LRBA: variants seen among roughly 807,000 people sequenced by gnomAD.
LRBA encodes lipopolysaccharide-responsive and beige-like anchor protein.
In LRBA, 176 loss-of-function variants were observed where a neutral mutation model predicts 330.0. The observed-to-expected ratio is 0.53, with a 90% confidence interval of 0.47 to 0.60. The LOEUF is 0.60. Among genes scored for constraint, LRBA ranks in the 20% least tolerant of loss-of-function variants. LRBA has a pLI of 0.00. For missense variants in LRBA, 3,259 were observed against 3,444.8 expected, an observed-to-expected ratio of 0.95 and a Z score of 1.35; for synonymous variants, 1,230 against 1,193.0, an observed-to-expected ratio of 1.03 and a Z score of -0.64.
At chr4:150,700,270 G>T (rs1343908348) in intron 36 of LRBA, among the ~76,000 whole-genome samples, 1 of 151,942 alleles carries the variant, frequency 6.6e-6, no homozygotes, top group Non-Finnish European at 1.5e-5. Flanking sequence ...TAATGACGAG[G>T]GCATACATCA....
Position 150,871,439 on chromosome 4 carries a change from A to G in LRBA, c.2273T>C (p.Val758Ala), listed in dbSNP as rs1299892858. 1.7e-5 allele frequency: 28 copies of G among 1,607,586 alleles called. No homozygotes were observed. In the East Asian group the frequency reaches 6.0e-4, roughly 35 times the overall value. Residue 758 changes from valine to alanine, a missense_variant, in exon 19 of 57, where the codon GTC (valine) becomes GCC (alanine). Coordinates refer to ENST00000651943, the MANE Select transcript of LRBA (RefSeq NM_001364905.1). ...TGAAAACAATCCATGTCCAAGCATG[A>G]CTTCTGCTTTCCTCCTGCAATTACA... ...KHLAPKRKAE[V>A]MLGHGLFSLL...
At chr4:150,874,100 T>G (rs930150344) in intron 17 of LRBA, among the ~76,000 whole-genome samples, 1 of 152,064 alleles carries the variant, frequency 6.6e-6, no homozygotes, top group Non-Finnish European at 1.5e-5. Context: ...ATCACAATAG[T>G]TTTTTGAGTT....
At chr4:150,538,931 C>T (rs1242210679) in intron 40 of LRBA, among the ~76,000 whole-genome samples, 1 of 151,998 alleles carries the variant, frequency 6.6e-6, no homozygotes, top group Non-Finnish European at 1.5e-5. Context: ...AACAAACCTG[C>T]ACATGTAGCC....
At chr4:150,591,497 C>G (rs768656490) in intron 38 of LRBA, among the ~76,000 whole-genome samples, 2 of 152,186 alleles carry the variant, frequency 1.3e-5, no homozygotes, top group African/African-American at 2.4e-5. Flanking sequence ...TACACTCACT[C>G]CTCCGCCCTT....
At chr4:150,784,815 AC>A (rs1738800349) in intron 34 of LRBA, among the ~76,000 whole-genome samples, 1 of 152,016 alleles carries the variant, frequency 6.6e-6, no homozygotes, top group African/African-American at 2.4e-5. Flanking sequence ...AGGATCAAGA[AC>A]CCTGGTGTTC....
chr4:150,843,841 T>A (rs1749455337), intron 28 of LRBA, among the ~76,000 whole-genome samples: 1 of 152,240 alleles, frequency 6.6e-6, no homozygotes, highest in Non-Finnish European at 1.5e-5. Flanking sequence ...TTAATACATG[T>A]ATATCACTTA....
intron 50 of LRBA, among the ~76,000 whole-genome samples, chr4:150,318,048 A>G (rs2126910531): frequency 6.6e-6 from 1 of 152,294 alleles, no homozygotes; most frequent in South Asian, 2.1e-4. Flanking sequence ...GCCAGTGAGG[A>G]CACTGAGCCC....
chr4:150,520,325 C>T (rs1465061204), intron 40 of LRBA, among the ~76,000 whole-genome samples: 1 of 152,078 alleles, frequency 6.6e-6, no homozygotes, highest in Admixed American at 6.6e-5. Flanking sequence ...GGAGAAATGA[C>T]ATCTTTATAA....
At chr4:150,956,599 T>C (rs1737572785) in intron 2 of LRBA, among the ~76,000 whole-genome samples, 2 of 148,636 alleles carry the variant, frequency 1.3e-5, no homozygotes, top group Non-Finnish European at 2.9e-5. Context: ...GACCAATATA[T>C]CTTATGAATA....
intron 17 of LRBA, among the ~76,000 whole-genome samples, chr4:150,876,924 T>C (rs900707359): frequency 4.6e-5 from 7 of 151,624 alleles, no homozygotes; most frequent in Non-Finnish European, 1.0e-4. Flanking sequence ...GCATATTGGA[T>C]AAAAAAAACA....
At chr4:150,885,635 A>T (rs571784421) in intron 17 of LRBA, among the ~76,000 whole-genome samples, 6 of 152,270 alleles carry the variant, frequency 3.9e-5, no homozygotes, top group African/African-American at 1.4e-4. Context: ...AAAAAAGTGA[A>T]TCACAACTAA....
chr4:150,403,887 C>G (rs1335783736), intron 47 of LRBA, among the ~76,000 whole-genome samples: 2 of 151,938 alleles, frequency 1.3e-5, no homozygotes, highest in Non-Finnish European at 2.9e-5. Flanking sequence ...AAAAAATTAG[C>G]CAGGTGTGGT....
intron 50 of LRBA, among the ~76,000 whole-genome samples, chr4:150,320,000 T>A (rs569915846): frequency 7.9e-5 from 12 of 152,280 alleles, no homozygotes; most frequent in African/African-American, 2.6e-4. Flanking sequence ...TTTGCCTACC[T>A]AAAACAACGG....
In LRBA at chr4:150,892,894, GA is replaced by G. The variant is rs554383689; in HGVS notation, c.2165+157del. Among the ~76,000 whole-genome samples, 1,191 of 151,696 alleles carry G rather than the reference GA, an allele frequency of 7.9e-3. 14 individuals are homozygous for G. Among genetic ancestry groups the G allele is most frequent in the African/African-American group, 0.027 (1,124 of 41,430 alleles). On this transcript the variant is annotated intron_variant, in intron 17 of 56. Coordinates refer to ENST00000651943, the MANE Select transcript of LRBA (RefSeq NM_001364905.1). ...CAGCCTCTATAATTAAAGATTCATT[GA>G]AAAAAAATGCATGATTATAAATGGG...
chr4:150,952,254 A>G (rs575900189), intron 2 of LRBA, among the ~76,000 whole-genome samples: 8 of 150,270 alleles, frequency 5.3e-5, no homozygotes, highest in Non-Finnish European at 8.9e-5. Context: ...CCTGTTGTAT[A>G]TGTGTGTGTG....
At chr4:150,443,853 A>ATATATATATATATAT (rs771939318) in intron 44 of LRBA, among the ~76,000 whole-genome samples, 2 of 75,482 alleles carry the variant, frequency 2.6e-5, no homozygotes, top group East Asian at 4.6e-4. Context: ...TAATTAAAAA[A>ATATATATATATATAT]ATATATATAT....
chr4:150,794,767 C>G lies in LRBA; in HGVS notation c.5580+3314G>C, dbSNP rs557060458. On this transcript the variant is annotated intron_variant, in intron 34 of 56. Coordinates refer to ENST00000651943, the MANE Select transcript of LRBA (RefSeq NM_001364905.1). ...GCTAATTAATTACTCAGACAGGATG[C>G]CAGTCCAGACTACATGGTGCTTCTA... Among the ~76,000 whole-genome samples the G allele has an allele frequency of 2.2e-4, 33 of 152,152 alleles. No individual in the cohort carries two copies. The Middle Eastern group carries it at 0.01, about 47-fold the overall frequency.
intron 44 of LRBA, among the ~76,000 whole-genome samples, chr4:150,443,882 T>A (rs1423247732): frequency 0.019 from 1,953 of 101,582 alleles, 20 homozygotes; most frequent in African/African-American, 0.033. Context: ...ATTTTTTTTT[T>A]TTTTTTTTTT....
chr4:150,597,519 T>C (rs1470813744), intron 38 of LRBA, among the ~76,000 whole-genome samples: 1 of 151,880 alleles, frequency 6.6e-6, no homozygotes, highest in Admixed American at 6.6e-5. Flanking sequence ...AAAAGGAAAA[T>C]GTTTTTACGA....
Sources: allele counts gnomAD v4.1 joint callset (sites outside exome capture counted in the v4.1 genomes callset), GRCh38; gene constraint gnomAD v4.1.1; transcripts MANE v1.5; gene names NCBI Gene and HGNC (gene_info 2026-07-23, HGNC 2026-07-21).